FAM186B: variants seen among roughly 807,000 people sequenced by gnomAD.
The protein encoded by FAM186B is protein FAM186B.
A neutral mutation model predicts 83.4 loss-of-function variants in FAM186B; 68 were observed. That is an observed-to-expected ratio of 0.81 (90% CI 0.67 to 1.00). The LOEUF is 1.00. FAM186B is among the 50% of genes least tolerant of loss of function. The pLI is 0.00. For synonymous variants in FAM186B, 389 were observed against 422.0 expected (o/e 0.92, Z 0.96); for missense variants, 983 against 1,099.2 (o/e 0.89, Z 1.49).
At chr12:49,589,234 A>G (rs1238551255) in intron 5 of FAM186B, among the ~76,000 whole-genome samples, 1 of 152,100 alleles carries the variant, frequency 6.6e-6, no homozygotes, top group Non-Finnish European at 1.5e-5. Flanking sequence ...GGCCACTGCC[A>G]CTCAAGACTC....
At chr12:49,612,180 G>A in the FAM186B span, among the ~76,000 whole-genome samples, 1 of 151,960 alleles carries the variant, frequency 6.6e-6, no homozygotes, top group Non-Finnish European at 1.5e-5. Context: ...CACTTAAAAG[G>A]CACAGAGCTG....
downstream of FAM186B, chr12:49,584,043 G>C: frequency 6.1e-6 from 1 of 162,744 alleles, no homozygotes; most frequent in South Asian, 1.7e-4. Context: ...ATGACACCTG[G>C]CTCTGGTCTG....
At chr12:49,586,310 A>G (rs969476165), downstream of FAM186B, among the ~76,000 whole-genome samples, 10 of 152,178 alleles carry the variant, frequency 6.6e-5, no homozygotes, top group Non-Finnish European at 1.5e-5. Context: ...TTTACCAGAG[A>G]GGCGGGGAAA....
chr12:49,589,672 A>G (rs1400425720), intron 5 of FAM186B, among the ~76,000 whole-genome samples: 4 of 152,188 alleles, frequency 2.6e-5, no homozygotes, highest in South Asian at 2.1e-4. Context: ...AGTTAAATCT[A>G]TATCTATATA....
chr12:49,611,533 AAC>A, the FAM186B span, among the ~76,000 whole-genome samples: 1 of 147,954 alleles, frequency 6.8e-6, no homozygotes, highest in East Asian at 2.1e-4. Context: ...CAGCCTGGGC[AAC>A]AGAGCAAGAC....
the FAM186B span, among the ~76,000 whole-genome samples, chr12:49,615,770 C>G: frequency 8.8e-5 from 13 of 148,182 alleles, no homozygotes; most frequent in East Asian, 2.4e-3. Flanking sequence ...GCCCGGGCAA[C>G]AGAGCAAGAT....
chr12:49,610,617 C>T (rs1022957539), upstream of FAM186B, among the ~76,000 whole-genome samples: 4 of 151,700 alleles, frequency 2.6e-5, no homozygotes, highest in Non-Finnish European at 4.4e-5. Flanking sequence ...GGTGAAACCC[C>T]GTCTCTACTA....
intron 6 of FAM186B, 102 bp downstream of exon 6, chr12:49,588,352 G>T (rs1243165983): frequency 3.6e-6 from 5 of 1,406,416 alleles, no homozygotes; most frequent in Non-Finnish European, 4.8e-6. Context: ...ATATTGGCCT[G>T]TTGGTGCCCT....
upstream of FAM186B, among the ~76,000 whole-genome samples, chr12:49,610,226 C>T (rs1236912793): frequency 6.6e-6 from 1 of 151,574 alleles, no homozygotes; most frequent in African/African-American, 2.4e-5. Context: ...GAATTGCCAG[C>T]ATCTCCAGAT....
Position 49,588,552 on chromosome 12 carries a change from C to T in FAM186B, c.2436G>A (p.Leu812=). Residue 812 remains leucine (L), a synonymous_variant, in exon 6 of 7, where the codon TTG becomes TTA. Coordinates refer to ENST00000257894, the MANE Select transcript of FAM186B (RefSeq NM_032130.3). ...GGATGTGCCGGGGTGAGGCTGCAGGCAACTTGCATTTCTTTGGCTTTGGCG... is the reference window on the plus strand; with the variant it reads ...GGATGTGCCGGGGTGAGGCTGCAGGTAACTTGCATTTCTTTGGCTTTGGCG... ...VTSPKPKKCK[L]PAASPRHIRP... 6.2e-7 allele frequency: 1 copy of T among 1,612,488 alleles called. No homozygotes were observed. Among genetic ancestry groups the T allele is most frequent in the Non-Finnish European group, 8.5e-7 (1 of 1,179,116 alleles).
upstream of FAM186B, among the ~76,000 whole-genome samples, chr12:49,610,467 T>C (rs961163768): frequency 1.3e-5 from 2 of 152,132 alleles, no homozygotes; most frequent in Admixed American, 1.3e-4. Flanking sequence ...TAGATAAACA[T>C]CTTGAAAATA....
At chr12:49,586,387 T>C (rs770376887), downstream of FAM186B, among the ~76,000 whole-genome samples, 2 of 152,164 alleles carry the variant, frequency 1.3e-5, no homozygotes. Flanking sequence ...TATCCCTCTA[T>C]ATTTTCAGAA....
chr12:49,597,222 T>C (rs1939748270), intron 5 of FAM186B, among the ~76,000 whole-genome samples: 1 of 152,140 alleles, frequency 6.6e-6, no homozygotes, highest in Non-Finnish European at 1.5e-5. Flanking sequence ...ACATTTCCCA[T>C]AACAACCCCA....
chr12:49,587,441 C>T (rs757545604), downstream of FAM186B: 98 of 955,410 alleles, frequency 1.0e-4, no homozygotes, highest in Non-Finnish European at 1.3e-4. Flanking sequence ...CGCTTACAGC[C>T]GCCGAGCAAA....
intron 5 of FAM186B, among the ~76,000 whole-genome samples, chr12:49,589,678 ATATATC>A (rs1031549154): frequency 9.9e-5 from 15 of 152,220 alleles, no homozygotes; most frequent in African/African-American, 2.9e-4. Flanking sequence ...ATCTATATCT[ATATATC>A]TATAATAAAG....
Position 49,605,597 on chromosome 12 carries a change from A to C in FAM186B, c.-120T>G. 9.8e-7 allele frequency: 1 copy of C among 1,021,734 alleles called. No homozygotes were observed. Among genetic ancestry groups the C allele is most frequent in the East Asian group, 2.7e-5 (1 of 37,506 alleles). The allele number at this position is 1,021,734 out of a possible 1,614,324, so 63.3% of individuals were successfully genotyped here. ...GGTGTCTCCTGGGTACCCTCTGCCC[A>C]GGCACAGCTCCTCTGGTAACTGCCA... On this transcript the variant is annotated 5_prime_UTR_variant, in exon 1 of 7. Coordinates refer to ENST00000257894, the MANE Select transcript of FAM186B (RefSeq NM_032130.3).
chr12:49,619,854 T>A, the FAM186B span, among the ~76,000 whole-genome samples: 2 of 151,784 alleles, frequency 1.3e-5, no homozygotes, highest in Non-Finnish European at 2.9e-5. Context: ...TTTGTATTTT[T>A]TTTTTAGTAG....
chr12:49,592,098 G>A (rs796334743), intron 5 of FAM186B, among the ~76,000 whole-genome samples: 26 of 152,304 alleles, frequency 1.7e-4, no homozygotes, highest in African/African-American at 6.3e-4. Flanking sequence ...GGCCGGGAGG[G>A]AAGAAATAGA....
In FAM186B at chr12:49,587,650, C is replaced by T; in HGVS notation, c.2637G>A (p.Leu879=). Residue 879 remains leucine (L), a synonymous_variant, in exon 7 of 7, where the codon CTG becomes CTA. Transcript: ENST00000257894. The part of the protein sequence containing the change: ...KTPASLPRDQ[L]RGHPDIPRLL... ...GCCGGGGAATATCTGGGTGTCCCCT[C>T]AGCTGGTCCCGGGGAAGGCTGGCAG... 3.1e-6 allele frequency: 5 copies of T among 1,613,696 alleles called. No individual in the cohort carries two copies. Among genetic ancestry groups the T allele is most frequent in the Non-Finnish European group, 4.2e-6 (5 of 1,180,014 alleles).
Sources: gnomAD v4.1 joint callset for allele counts (sites outside exome capture counted in the v4.1 genomes callset) on GRCh38, gnomAD v4.1.1 for gene constraint, MANE v1.5 for transcripts, NCBI Gene and HGNC (gene_info 2026-07-23, HGNC 2026-07-21) for gene names.